TNRC6B: variants seen among roughly 807,000 people sequenced by gnomAD.
TNRC6B encodes trinucleotide repeat-containing gene 6B protein.
Under a neutral mutation model 203.6 loss-of-function variants are expected in TNRC6B, and 52 were observed. That is an observed-to-expected ratio of 0.26 (90% CI 0.20 to 0.32). The LOEUF (loss-of-function observed/expected upper bound fraction) is 0.32. Among genes scored for constraint, TNRC6B ranks in the 10% least tolerant of loss-of-function variants. TNRC6B has a pLI of 1.00. For missense variants in TNRC6B, 1,923 were observed against 2,286.2 expected, an observed-to-expected ratio of 0.84 and a Z score of 3.24; for synonymous variants, 838 against 845.7, an observed-to-expected ratio of 0.99 and a Z score of 0.16.
At chr22:40,314,900 A>G (rs548385326) in intron 19 of TNRC6B, among the ~76,000 whole-genome samples, 68 of 152,360 alleles carry the variant, frequency 4.5e-4, no homozygotes, top group Non-Finnish European at 9.1e-4. Context: ...GTCAATGATT[A>G]TTTATAGAAT....
At chr22:40,236,519 G>A (rs539857253) in intron 1 of TNRC6B, among the ~76,000 whole-genome samples, 1 of 152,170 alleles carries the variant, frequency 6.6e-6, no homozygotes, top group East Asian at 1.9e-4. Context: ...TTCCTGTTCC[G>A]GTCTGTCTGC....
chr22:40,328,985 G>T lies in TNRC6B; in HGVS notation c.*5744G>T, dbSNP rs921932896. ...TTTGCCAAGTTTTGTCACACTTCATGTGTATGCATTAACTATACTTCTTAG... is the reference window on the plus strand; with the variant it reads ...TTTGCCAAGTTTTGTCACACTTCATTTGTATGCATTAACTATACTTCTTAG... On this transcript the variant is annotated 3_prime_UTR_variant, in exon 23 of 23. Coordinates refer to ENST00000454349, the MANE Select transcript of TNRC6B (RefSeq NM_001162501.2). 4 of 151,616 alleles carry T rather than the reference G, an allele frequency of 2.6e-5. No homozygotes were observed. Among genetic ancestry groups the T allele is most frequent in the Non-Finnish European group, 2.9e-5 (2 of 67,922 alleles). 9.4% of individuals were successfully genotyped at this position (151,616 alleles called of 1,614,324 possible).
At chr22:40,302,734 C>G (rs1333336243) in intron 15 of TNRC6B, among the ~76,000 whole-genome samples, 1 of 152,216 alleles carries the variant, frequency 6.6e-6, no homozygotes, top group African/African-American at 2.4e-5. Flanking sequence ...GCGCCAACCC[C>G]GTGATCCTCC....
chr22:40,057,507 G>C (rs184734638), intron 1 of TNRC6B, among the ~76,000 whole-genome samples: 95 of 152,154 alleles, frequency 6.2e-4, no homozygotes, highest in African/African-American at 2.2e-3. Context: ...TGGTCAGGCT[G>C]GTCTCAAACT....
chr22:40,111,669 T>C (rs1188037380), intron 1 of TNRC6B, among the ~76,000 whole-genome samples: 1 of 152,090 alleles, frequency 6.6e-6, no homozygotes, highest in African/African-American at 2.4e-5. Context: ...GAGGGTTGTT[T>C]TATTTTAGGG....
chr22:40,240,682 T>G (rs2070016229), intron 1 of TNRC6B, among the ~76,000 whole-genome samples: 1 of 152,258 alleles, frequency 6.6e-6, no homozygotes, highest in South Asian at 2.1e-4. Flanking sequence ...TGATGAGTTT[T>G]ACATCTGGCT....
chr22:40,312,813 A>G (rs1033383583), intron 18 of TNRC6B, 89 bp from the exon 19 acceptor site: 8 of 1,479,702 alleles, frequency 5.4e-6, no homozygotes, highest in Admixed American at 1.8e-5. Flanking sequence ...CCTCCATTCT[A>G]TTGAAGTTTA....
chr22:40,304,843 A>G (rs1949578858), intron 15 of TNRC6B, among the ~76,000 whole-genome samples: 1 of 152,262 alleles, frequency 6.6e-6, no homozygotes, highest in Non-Finnish European at 1.5e-5. Context: ...AAATGACAGA[A>G]GAGTAATTGT....
At chr22:40,169,236 A>G (rs996555055) in intron 4 of TNRC6B, among the ~76,000 whole-genome samples, 5 of 146,266 alleles carry the variant, frequency 3.4e-5, no homozygotes, top group Admixed American at 7.1e-5. Context: ...GGTTCAAGCT[A>G]TTCTCCTCCC....
intron 3 of TNRC6B, among the ~76,000 whole-genome samples, chr22:40,132,670 G>A (rs999526928): frequency 6.9e-6 from 1 of 145,642 alleles, no homozygotes; most frequent in African/African-American, 2.6e-5. Context: ...AAGGCTGGGC[G>A]CAGTGGCTCA....
At chr22:40,135,101 A>G (rs2068588218) in intron 3 of TNRC6B, among the ~76,000 whole-genome samples, 1 of 152,194 alleles carries the variant, frequency 6.6e-6, no homozygotes, top group Non-Finnish European at 1.5e-5. Context: ...TCTCCTCCAT[A>G]TGACCTCTGC....
intron 1 of TNRC6B, among the ~76,000 whole-genome samples, chr22:40,047,136 TA>T (rs2146259114): frequency 6.6e-6 from 1 of 152,292 alleles, no homozygotes; most frequent in South Asian, 2.1e-4. Context: ...GCCACACAGC[TA>T]TGCAGTTCCA....
chr22:40,298,214 G>A (rs542728105), intron 12 of TNRC6B, among the ~76,000 whole-genome samples: 5 of 151,976 alleles, frequency 3.3e-5, no homozygotes, highest in African/African-American at 9.6e-5. Flanking sequence ...GGGAACAAAA[G>A]CATGTTTTTA....
At chr22:40,054,036 G>T (rs1365095022) in intron 1 of TNRC6B, among the ~76,000 whole-genome samples, 1 of 152,106 alleles carries the variant, frequency 6.6e-6, no homozygotes, top group Non-Finnish European at 1.5e-5. Flanking sequence ...GGGCAACATA[G>T]CAAAACCCTG....
At chr22:40,053,879 A>G (rs537619164) in intron 1 of TNRC6B, among the ~76,000 whole-genome samples, 10 of 152,358 alleles carry the variant, frequency 6.6e-5, no homozygotes, top group South Asian at 2.1e-4. Context: ...TAAAACATTT[A>G]CTTAAAAAGC....
chr22:40,123,163 C>T lies in TNRC6B; in HGVS notation c.-46-2609C>T, dbSNP rs537004828. Among the ~76,000 whole-genome samples, 56 of 151,988 alleles carry T rather than the reference C, an allele frequency of 3.7e-4. 1 individual carries two copies. The South Asian group carries it at 5.4e-3, about 15-fold the overall frequency. On this transcript the variant is annotated intron_variant, in intron 2 of 23. Coordinates refer to the TNRC6B transcript ENST00000301923. The stretch of plus-strand genomic sequence containing the variant: ...GCCTTGGTAGGATCTTATTGGGACA[C>T]GATGGATTTTAAGAAGTGAGTGGAG...
intron 1 of TNRC6B, among the ~76,000 whole-genome samples, chr22:40,110,087 G>A (rs921464340): frequency 6.6e-6 from 1 of 152,056 alleles, no homozygotes; most frequent in Non-Finnish European, 1.5e-5. Flanking sequence ...AAGAACAAAG[G>A]TTTTTCTTTA....
At chr22:40,253,654 C>T in intron 3 of TNRC6B, 1 of 456,418 alleles carries the variant, frequency 2.2e-6, no homozygotes, top group Non-Finnish European at 4.4e-6. Flanking sequence ...ATTTCAGTCT[C>T]CTAAGGGATT....
chr22:40,123,067 T>C (rs2146322287), intron 2 of TNRC6B, among the ~76,000 whole-genome samples: 1 of 152,282 alleles, frequency 6.6e-6, no homozygotes, highest in South Asian at 2.1e-4. Flanking sequence ...GTAGCCTTTG[T>C]TGGTTTCCCT....
Sources: allele counts gnomAD v4.1 joint callset (sites outside exome capture counted in the v4.1 genomes callset), GRCh38; gene constraint gnomAD v4.1.1; transcripts MANE v1.5; gene names NCBI Gene and HGNC (gene_info 2026-07-23, HGNC 2026-07-21).